MAPK10: variants seen among roughly 807,000 people sequenced by gnomAD.
The protein encoded by MAPK10 is mitogen-activated protein kinase 10.
Under a neutral mutation model 59.3 loss-of-function variants are expected in MAPK10, and 25 were observed. The ratio of observed to expected loss-of-function variants is 0.42; its 90% CI spans 0.31 to 0.59. The LOEUF (loss-of-function observed/expected upper bound fraction) is 0.59, where lower values mean the gene tolerates loss of function less well. MAPK10 is among the 20% of genes least tolerant of loss of function. The pLI, the probability that MAPK10 is intolerant of heterozygous loss-of-function variation, is 0.15. For missense variants in MAPK10, 351 were observed against 568.9 expected (o/e 0.62, Z 3.90); for synonymous variants, 190 against 200.5 (o/e 0.95, Z 0.44).
At chr4:86,071,349 TC>T (rs2047916233) in intron 9 of MAPK10, among the ~76,000 whole-genome samples, 1 of 122,866 alleles carries the variant, frequency 8.1e-6, no homozygotes, top group Non-Finnish European at 1.8e-5. Context: ...GGTTGCCTGT[TC>T]ACTCTGATGG....
chr4:86,388,870 C>A (rs1381839510), intron 1 of MAPK10, among the ~76,000 whole-genome samples: 1 of 152,090 alleles, frequency 6.6e-6, no homozygotes, highest in Admixed American at 6.5e-5. Flanking sequence ...ACACTGCCTA[C>A]CACAAAGTGG....
chr4:86,055,097 G>C (rs916009916), intron 11 of MAPK10, among the ~76,000 whole-genome samples: 1 of 152,162 alleles, frequency 6.6e-6, no homozygotes, highest in Non-Finnish European at 1.5e-5. Flanking sequence ...GGAAACAAAA[G>C]GTCACCAGTG....
At chr4:86,204,113 G>A (rs1278308827) in intron 2 of MAPK10, among the ~76,000 whole-genome samples, 1 of 151,830 alleles carries the variant, frequency 6.6e-6, no homozygotes, top group African/African-American at 2.4e-5. Context: ...AACTGCATAA[G>A]CTATAAAGCC....
intron 2 of MAPK10, among the ~76,000 whole-genome samples, chr4:86,316,287 G>A (rs779953582): frequency 3.9e-5 from 6 of 152,018 alleles, no homozygotes; most frequent in African/African-American, 1.2e-4. Context: ...ATTTTGCAAC[G>A]CATTAAACCC....
chr4:86,328,461 G>C (rs866416876), intron 2 of MAPK10, among the ~76,000 whole-genome samples: 4 of 152,118 alleles, frequency 2.6e-5, no homozygotes, highest in African/African-American at 9.7e-5. Context: ...CAAGGATCTA[G>C]AACAAGAAAT....
intron 11 of MAPK10, among the ~76,000 whole-genome samples, chr4:86,051,443 A>G (rs981497810): frequency 2.0e-5 from 3 of 152,186 alleles, no homozygotes; most frequent in African/African-American, 7.2e-5. Context: ...ACCCAGGAAT[A>G]GTTTCTGCCT....
chr4:86,373,155 G>A (rs1739172778), intron 1 of MAPK10, among the ~76,000 whole-genome samples: 1 of 152,054 alleles, frequency 6.6e-6, no homozygotes, highest in Non-Finnish European at 1.5e-5. Flanking sequence ...ATAAGCAAAG[G>A]GGAAAGGATT....
intron 2 of MAPK10, among the ~76,000 whole-genome samples, chr4:86,245,211 A>C (rs1457026101): frequency 1.3e-5 from 2 of 152,132 alleles, no homozygotes; most frequent in African/African-American, 4.8e-5. Context: ...CTCTTTAGAC[A>C]GCTTATATTC....
chr4:86,271,923 G>C (rs994055071), intron 2 of MAPK10, among the ~76,000 whole-genome samples: 1 of 151,876 alleles, frequency 6.6e-6, no homozygotes, highest in African/African-American at 2.4e-5. Flanking sequence ...ATGAGATTAG[G>C]GTGAAGACAC....
chr4:86,057,568 C>T (rs1401285739), intron 11 of MAPK10, among the ~76,000 whole-genome samples: 3 of 149,668 alleles, frequency 2.0e-5, no homozygotes, highest in African/African-American at 7.5e-5. Context: ...CTATTAGAAA[C>T]CTACCAAGAA....
intron 3 of MAPK10, among the ~76,000 whole-genome samples, 193 bp from the exon 4 acceptor site, chr4:86,159,660 A>T (rs2068906299): frequency 6.6e-6 from 1 of 152,060 alleles, no homozygotes; most frequent in Non-Finnish European, 1.5e-5. Flanking sequence ...TAGGGAAAAA[A>T]TGCAAAGAAA....
chr4:86,353,922 T>TAA (rs1189609021), intron 2 of MAPK10, among the ~76,000 whole-genome samples: 2 of 152,182 alleles, frequency 1.3e-5, no homozygotes, highest in Non-Finnish European at 2.9e-5. Flanking sequence ...AAAGACATTC[T>TAA]ACCTGTGTGT....
rs72868854 is a variant in MAPK10, at chr4:86,449,848, T to C, written c.-122+3182A>G. ...GGTCTTGAGAAGTAACCTGCCATGT[T>C]GTAGGCGCACAAAGGGCAGCCTCTG... On this transcript the variant is annotated intron_variant, in intron 1 of 13. Coordinates refer to the MAPK10 transcript ENST00000361569. Among the ~76,000 whole-genome samples the C allele has an allele frequency of 4.4e-3, 663 of 152,340 alleles. 6 individuals carry two copies. The highest frequency in any genetic ancestry group is 0.015 in the African/African-American group (640 of 41,570).
At position 86,295,211 on chromosome 4, in the gene MAPK10, GT is replaced by G. The variant is rs1355508201; in HGVS notation, c.-7+59318del. ...GAAGGAACAAAACAACACGGTGTTT[GT>G]TGTTTAACCCCCTCGGGCCCCACGC... On this transcript the variant is annotated intron_variant, in intron 2 of 13. Coordinates refer to ENST00000641462, the MANE Select transcript of MAPK10 (RefSeq NM_138982.4). Among the ~76,000 whole-genome samples the G allele has an allele frequency of 2.6e-5, 4 of 152,264 alleles. No individual in the cohort carries two copies. In the East Asian group the frequency reaches 7.7e-4, roughly 29 times the overall value.
intron 1 of MAPK10, among the ~76,000 whole-genome samples, chr4:86,544,725 A>G (rs994880226): frequency 3.9e-5 from 6 of 152,246 alleles, no homozygotes; most frequent in Non-Finnish European, 1.5e-5. Context: ...TCTATCTGAT[A>G]AGCTTCAGGG....
intron 2 of MAPK10, among the ~76,000 whole-genome samples, chr4:86,230,678 A>G (rs975425566): frequency 1.3e-5 from 2 of 152,226 alleles, no homozygotes; most frequent in African/African-American, 4.8e-5. Flanking sequence ...GAACTAATTT[A>G]TAAATTATTT....
At chr4:86,091,408 A>G (rs1580082789) in intron 9 of MAPK10, 1 of 151,820 alleles carries the variant, frequency 6.6e-6, no homozygotes, top group South Asian at 2.1e-4. Context: ...TCTCTTCACT[A>G]TGTAAACAGG....
chr4:86,418,246 GT>G (rs936312937), intron 1 of MAPK10, among the ~76,000 whole-genome samples: 8 of 151,444 alleles, frequency 5.3e-5, no homozygotes, highest in South Asian at 2.1e-4. Flanking sequence ...AACAAATGAG[GT>G]TTTTTTTTAA....
chr4:86,246,108 C>T (rs1437775054), intron 2 of MAPK10, among the ~76,000 whole-genome samples: 1 of 152,120 alleles, frequency 6.6e-6, no homozygotes, highest in African/African-American at 2.4e-5. Flanking sequence ...AAGAAATAAA[C>T]ATTCAAAAAT....
Sources: gnomAD v4.1 joint callset for allele counts (sites outside exome capture counted in the v4.1 genomes callset) on GRCh38, gnomAD v4.1.1 for gene constraint, MANE v1.5 for transcripts, NCBI Gene and HGNC (gene_info 2026-07-23, HGNC 2026-07-21) for gene names.